LPA: variants seen among roughly 807,000 people sequenced by gnomAD.
LPA encodes lipoprotein(a).
Under a neutral mutation model 197.9 loss-of-function variants are expected in LPA, and 199 were observed. That is an observed-to-expected ratio of 1.01 (90% CI 0.90 to 1.13). LPA has a LOEUF of 1.13. LPA is among the 50% of genes most tolerant of loss of function. The pLI is 0.00. For synonymous variants in LPA, 715 were observed against 639.5 expected, an observed-to-expected ratio of 1.12 and a Z score of -1.78; for missense variants, 1,853 against 1,785.8, an observed-to-expected ratio of 1.04 and a Z score of -0.68.
intron 21 of LPA, 23 bp downstream of exon 21, chr6:160,595,331 T>G (rs1443725524): frequency 1.9e-6 from 3 of 1,610,432 alleles, no homozygotes; most frequent in Non-Finnish European, 1.7e-6. Context: ...TAGGGTGTGG[T>G]TGTCTGGCCA....
At chr6:160,595,810 T>A (rs1012818622) in intron 20 of LPA, among the ~76,000 whole-genome samples, 6 of 152,192 alleles carry the variant, frequency 3.9e-5, no homozygotes, top group African/African-American at 9.6e-5. Flanking sequence ...ATTGTGCAAG[T>A]TGCACTTGTA....
At position 160,653,459 on chromosome 6, in the gene LPA, C is replaced by G. The variant is rs1480343675; in HGVS notation, c.50-2962G>C. 3.3e-5 allele frequency among the ~76,000 whole-genome samples: 5 copies of G among 151,568 alleles called. No individual in the cohort carries two copies. The South Asian group carries it at 6.3e-4, about 19-fold the overall frequency. Reference sequence around the variant, plus strand: ...CACCCCGCTCAACAACAGAAGAAGACAGTCTTTTGAAGAGTACATGAAAGT... The same window carrying G: ...CACCCCGCTCAACAACAGAAGAAGAGAGTCTTTTGAAGAGTACATGAAAGT... On this transcript the variant is annotated intron_variant, in intron 1 of 38. Transcript: ENST00000316300.
In LPA at chr6:160,585,073, C is replaced by T. The variant is rs41272112; in HGVS notation, c.4262G>A (p.Arg1421Gln). ...ATTTGGATAGTATAATGGGATCCTC[C>T]GATGCCAATGTGGTGTCATAGACGA... is the stretch of plus-strand genomic sequence containing the variant. ...SWSSMTPHWH[R>Q]RIPLYYPNAG... Residue 1421 changes from arginine to glutamine, a missense_variant, in exon 26 of 39, where the codon CGG (arginine) becomes CAG (glutamine). By Grantham distance (43) the Arg-to-Gln change is conservative. Transcript: ENST00000316300. 7.1e-3 allele frequency: 11,416 copies of T among 1,613,702 alleles called. 238 individuals are homozygous for T. The Middle Eastern group carries it at 0.088, about 12-fold the overall frequency.
chr6:160,543,961 C>A (rs529567110), intron 33 of LPA, among the ~76,000 whole-genome samples: 2 of 152,194 alleles, frequency 1.3e-5, no homozygotes, highest in African/African-American at 4.8e-5. Flanking sequence ...TGGGGTTAAC[C>A]TCACTTGTCT....
chr6:160,589,173 G>T (rs1778974123), intron 24 of LPA, among the ~76,000 whole-genome samples: 1 of 152,176 alleles, frequency 6.6e-6, no homozygotes. Context: ...AGACAAACAT[G>T]GCAAACACAA....
chr6:160,584,974 T>C (rs1041504895), intron 26 of LPA, 72 bp downstream of exon 26: 3 of 1,515,544 alleles, frequency 2.0e-6, no homozygotes, highest in African/African-American at 2.7e-5. Context: ...GGAAGTGAGC[T>C]TGTAGCATGG....
intron 28 of LPA, among the ~76,000 whole-genome samples, chr6:160,560,146 T>C (rs1001022600): frequency 2.6e-5 from 4 of 152,244 alleles, no homozygotes; most frequent in African/African-American, 9.6e-5. Flanking sequence ...TGCATAGTAT[T>C]CCACAGTGTA....
At chr6:160,585,327 G>T in intron 25 of LPA, 122 bp from the exon 26 acceptor site, 1 of 906,414 alleles carries the variant, frequency 1.1e-6, no homozygotes, top group Non-Finnish European at 1.8e-6. Flanking sequence ...ATATTAGCAT[G>T]CAAATTGAAA....
At position 160,653,168 on chromosome 6, in the gene LPA, G is replaced by A. The variant is rs191430357; in HGVS notation, c.50-2671C>T. Among the ~76,000 whole-genome samples the A allele has an allele frequency of 3.7e-3, 565 of 152,152 alleles. 2 individuals carry two copies. Among genetic ancestry groups the A allele is most frequent in the African/African-American group, 0.012 (517 of 41,532 alleles). On this transcript the variant is annotated intron_variant, in intron 1 of 38. Coordinates refer to ENST00000316300, the MANE Select transcript of LPA (RefSeq NM_005577.4). ...CAGCACAAATAGACTTCAGAACAACGAATACTTCCAGAGATAAGAAGAAAC... is the reference window on the plus strand; with the variant it reads ...CAGCACAAATAGACTTCAGAACAACAAATACTTCCAGAGATAAGAAGAAAC...
Position 160,556,024 on chromosome 6 carries a change from C to T in LPA, c.4973+1G>A, listed in dbSNP as rs201888157. 9 of 1,599,496 alleles carry T rather than the reference C, an allele frequency of 5.6e-6. No homozygotes were observed. The highest frequency in any genetic ancestry group is 2.2e-5 in the East Asian group (1 of 44,758). On this transcript the variant is annotated splice_donor_variant, in intron 30 of 38. Coordinates refer to ENST00000316300, the MANE Select transcript of LPA (RefSeq NM_005577.4). LOFTEE classifies it high-confidence loss of function. ...TCTTACAAGTAACATCAAAGACATA[C>T]TCATTTGGGTAGTTTTCTGGGGTCC...
intron 30 of LPA, among the ~76,000 whole-genome samples, chr6:160,548,952 G>T (rs1778125513): frequency 6.6e-6 from 1 of 152,176 alleles, no homozygotes; most frequent in Admixed American, 6.5e-5. Flanking sequence ...AAGTTACAAA[G>T]AAAAGAGTTT....
intron 1 of LPA, among the ~76,000 whole-genome samples, chr6:160,653,861 T>C (rs1780048513): frequency 7.4e-6 from 1 of 134,384 alleles, no homozygotes; most frequent in Non-Finnish European, 1.5e-5. Context: ...TGTATACAAA[T>C]CAATAAATGA....
At chr6:160,577,339 C>A in intron 27 of LPA, 44 bp from the exon 28 acceptor site, 1 of 1,584,966 alleles carries the variant, frequency 6.3e-7, no homozygotes, top group Non-Finnish European at 8.7e-7. Flanking sequence ...ATTGCATGAG[C>A]AGAGAAACAT....
At position 160,548,350 on chromosome 6, in the gene LPA, A is replaced by G. The variant is rs374729633; in HGVS notation, c.5155+128T>C. 1.8e-4 allele frequency: 167 copies of G among 951,540 alleles called. 3 individuals are homozygous for G. In the East Asian group the frequency reaches 3.4e-3, roughly 19 times the overall value. The allele number at this position is 951,540 out of a possible 1,614,324, so 58.9% of individuals were successfully genotyped here. On this transcript the variant is annotated intron_variant, in intron 31 of 38. Transcript: ENST00000316300. The stretch of plus-strand genomic sequence containing the variant: ...CTTCCTTGGTCATGGCAGAACCTCA[A>G]CCAACACTCGAGCTCCCGTGTAGCA...
intron 26 of LPA, among the ~76,000 whole-genome samples, chr6:160,580,940 T>C (rs113007272): frequency 9.5e-4 from 144 of 151,594 alleles, no homozygotes; most frequent in Middle Eastern, 3.6e-3. Context: ...TTTGTTTTCT[T>C]TTACAGTTAG....
intron 1 of LPA, among the ~76,000 whole-genome samples, chr6:160,660,946 G>A (rs1445637140): frequency 4.6e-5 from 7 of 152,178 alleles, no homozygotes; most frequent in African/African-American, 1.7e-4. Flanking sequence ...TACTGCCCAC[G>A]ATTTTTCTTT....
intron 31 of LPA, among the ~76,000 whole-genome samples, 166 bp from the exon 32 acceptor site, chr6:160,548,103 A>G: frequency 6.6e-6 from 1 of 152,186 alleles, no homozygotes; most frequent in East Asian, 1.9e-4. Context: ...AATGAACACT[A>G]TTTTAAGAAA....
chr6:160,609,752 G>A (rs777720627), intron 16 of LPA, among the ~76,000 whole-genome samples: 4 of 151,684 alleles, frequency 2.6e-5, no homozygotes, highest in Non-Finnish European at 4.4e-5. Context: ...TATTTCTTTA[G>A]GGATGTGCAT....
chr6:160,541,172 C>T lies in LPA; in HGVS notation c.5529G>A (p.Lys1843=). The T allele has an allele frequency of 6.2e-7, 1 of 1,613,142 alleles. No homozygotes were observed. The highest frequency in any genetic ancestry group is 8.5e-7 in the Non-Finnish European group (1 of 1,179,040). ...ATATTAAGGTGCCTCCACAGAAGTG[C>T]TTTCCAAACCTAGAAAGAAAACATG... ...WQVSLRTRFG[K]HFCGGTLISP... The change falls in exon 35 of 39, where the codon AAG becomes AAA. Residue 1843 remains lysine (K), a synonymous_variant. Transcript: ENST00000316300.
Sources: gnomAD v4.1 joint callset for allele counts (sites outside exome capture counted in the v4.1 genomes callset) on GRCh38, gnomAD v4.1.1 for gene constraint, MANE v1.5 for transcripts, NCBI Gene and HGNC (gene_info 2026-07-23, HGNC 2026-07-21) for gene names.